ANXA6: variants seen among roughly 807,000 people sequenced by gnomAD.
The protein encoded by ANXA6 is annexin A6.
Under a neutral mutation model 95.4 loss-of-function variants are expected in ANXA6, and 71 were observed. The observed-to-expected ratio is 0.74, with a 90% CI of 0.61 to 0.91. ANXA6 has a LOEUF of 0.91. Ranked by LOEUF, ANXA6 falls within the 40% of genes least tolerant of loss-of-function variation. The pLI, the probability that ANXA6 is intolerant of heterozygous loss-of-function variation, is 0.00. For missense variants in ANXA6, 830 were observed against 876.4 expected, an observed-to-expected ratio of 0.95 and a Z score of 0.67; for synonymous variants, 289 against 315.9, an observed-to-expected ratio of 0.91 and a Z score of 0.90.
At chr5:151,136,804 A>G (rs974527802) in intron 6 of ANXA6, among the ~76,000 whole-genome samples, 2 of 152,152 alleles carry the variant, frequency 1.3e-5, no homozygotes, top group African/African-American at 4.8e-5. Flanking sequence ...TTTCTATTTC[A>G]GGGCCTTTGC....
chr5:151,109,151 C>T (rs987450066), intron 22 of ANXA6, among the ~76,000 whole-genome samples: 1 of 152,110 alleles, frequency 6.6e-6, no homozygotes, highest in Non-Finnish European at 1.5e-5. Flanking sequence ...CAAATCAAGG[C>T]CGTCCAGTGC....
At chr5:151,132,423 G>T in intron 10 of ANXA6, 53 bp downstream of exon 10, 1 of 1,350,270 alleles carries the variant, frequency 7.4e-7, no homozygotes, top group Non-Finnish European at 1.0e-6. Flanking sequence ...TTGTTCCTAG[G>T]CCAGTGTTCC....
chr5:151,118,584 C>T (rs1053587540), intron 18 of ANXA6, among the ~76,000 whole-genome samples: 1 of 152,154 alleles, frequency 6.6e-6, no homozygotes, highest in Non-Finnish European at 1.5e-5. Context: ...CAGGCGCATG[C>T]CACCACGCCT....
chr5:151,124,155 C>T (rs1265193031), intron 15 of ANXA6, 131 bp downstream of exon 15: 2 of 786,016 alleles, frequency 2.5e-6, no homozygotes, highest in Non-Finnish European at 4.2e-6. Flanking sequence ...AGGGTGGAAA[C>T]TTGAGATCAA....
At chr5:151,142,182 T>C (rs1454170874) in intron 2 of ANXA6, among the ~76,000 whole-genome samples, 2 of 152,184 alleles carry the variant, frequency 1.3e-5, no homozygotes, top group African/African-American at 2.4e-5. Flanking sequence ...CTAGGATGGA[T>C]GGAGAAACAA....
At chr5:151,124,792 A>C (rs368531870) in intron 14 of ANXA6, among the ~76,000 whole-genome samples, 6 of 152,246 alleles carry the variant, frequency 3.9e-5, no homozygotes, top group African/African-American at 1.2e-4. Flanking sequence ...AAGGCAGCAG[A>C]AAAGTTCTGA....
At position 151,132,770 on chromosome 5, in the gene ANXA6, CTG is replaced by C. The variant is rs1765553561; in HGVS notation, c.641-201_641-200del. 5.3e-5 allele frequency among the ~76,000 whole-genome samples: 8 copies of C among 152,174 alleles called. No individual in the cohort carries two copies. The South Asian group carries it at 1.7e-3, about 32-fold the overall frequency. ...GATGAGCTTCATAGCTGGTGAGAGACTGTGTCTCATCCCCTAACATGGAGACA... is the reference window on the plus strand; with the variant it reads ...GATGAGCTTCATAGCTGGTGAGAGACTGTCTCATCCCCTAACATGGAGACA... On this transcript the variant is annotated intron_variant, in intron 9 of 25. Coordinates refer to ENST00000354546, the MANE Select transcript of ANXA6 (RefSeq NM_001155.5).
chr5:151,120,321 G>C (rs1476928889), intron 17 of ANXA6, among the ~76,000 whole-genome samples: 3 of 150,860 alleles, frequency 2.0e-5, no homozygotes, highest in Non-Finnish European at 4.4e-5. Flanking sequence ...CTGATTGATT[G>C]ACTGAATGAG....
At chr5:151,107,457 C>T (rs993541639) in intron 23 of ANXA6, among the ~76,000 whole-genome samples, 1 of 152,172 alleles carries the variant, frequency 6.6e-6, no homozygotes. Context: ...CTAGATATTG[C>T]TCCTGGGTGG....
chr5:151,119,488 T>C, intron 17 of ANXA6, 98 bp from the exon 18 acceptor site: 1 of 1,037,516 alleles, frequency 9.6e-7, no homozygotes, highest in Non-Finnish European at 1.5e-6. Flanking sequence ...CAAGCATTCC[T>C]GGATTTTCTC....
chr5:151,123,765 T>C (rs1410038103), intron 15 of ANXA6, among the ~76,000 whole-genome samples: 1 of 152,202 alleles, frequency 6.6e-6, no homozygotes, highest in East Asian at 1.9e-4. Flanking sequence ...GGCTGGACTT[T>C]CTGAGCACAG....
intron 1 of ANXA6, among the ~76,000 whole-genome samples, chr5:151,156,493 G>A (rs1258482465): frequency 6.6e-6 from 1 of 152,210 alleles, no homozygotes; most frequent in Non-Finnish European, 1.5e-5. Context: ...ACGCAGGTCA[G>A]GATATGCCAT....
Position 151,133,105 on chromosome 5 carries a change from T to G in ANXA6, c.629A>C (p.His210Pro). ...TCTCTGGAGCTTACCCAACCGAAGATGCTGCTTGCTGCGATTTCCCAAGAT... is the reference window on the plus strand; with the variant it reads ...TCTCTGGAGCTTACCCAACCGAAGAGGCTGCTTGCTGCGATTTCCCAAGAT... ...IYILGNRSKQ[H>P]LRLVFDEYLK... The change falls in exon 9 of 26, where the codon CAT (histidine) becomes CCT (proline). Residue 210 changes from histidine to proline, a missense_variant. Coordinates refer to ENST00000354546, the MANE Select transcript of ANXA6 (RefSeq NM_001155.5). 1.3e-6 allele frequency: 2 copies of G among 1,595,328 alleles called. No individual in the cohort carries two copies. The highest frequency in any genetic ancestry group is 2.3e-5 in the South Asian group (2 of 87,474).
chr5:151,117,399 G>A lies in ANXA6; in HGVS notation c.1519-219C>T, dbSNP rs370908096. ...AATGCCTGACACACAGCAAGCTCTC[G>A]GTAACTGTCAATGAGGGTCTGCCAT... On this transcript the variant is annotated intron_variant, in intron 19 of 25. Coordinates refer to ENST00000354546, the MANE Select transcript of ANXA6 (RefSeq NM_001155.5). 3.3e-5 allele frequency among the ~76,000 whole-genome samples: 5 copies of A among 152,326 alleles called. No homozygotes were observed. The East Asian group carries it at 7.7e-4, about 23-fold the overall frequency.
intron 1 of ANXA6, chr5:151,155,433 A>T (rs1021966984): frequency 6.6e-6 from 1 of 151,836 alleles, no homozygotes; most frequent in Non-Finnish European, 1.5e-5. Context: ...CATCCAAGGA[A>T]CCTATAGACA....
Position 151,122,251 on chromosome 5 carries a change from T to A in ANXA6, c.1243A>T (p.Thr415Ser). The change falls in exon 17 of 26, where the codon ACT (threonine) becomes TCT (serine). Residue 415 changes from threonine to serine, a missense_variant. Thr to Ser is a moderately conservative substitution (Grantham distance 58, BLOSUM62 1). Coordinates refer to ENST00000354546, the MANE Select transcript of ANXA6 (RefSeq NM_001155.5). Reference protein sequence around the residue: ...FKSHFGRDLMTDLKSEISGDL... With the variant: ...FKSHFGRDLMSDLKSEISGDL... The stretch of plus-strand genomic sequence containing the variant: ...CCAGAGATCTCAGACTTCAGGTCAG[T>A]CATTAAGTCCTGCAAAGGGCAGAGC... 1 of 1,603,178 alleles carries A rather than the reference T, an allele frequency of 6.2e-7. No homozygotes were observed. The highest frequency in any genetic ancestry group is 1.1e-5 in the South Asian group (1 of 89,016).
rs1307926886 is a variant in ANXA6 at position 151,141,413 on chromosome 5, GTA to G, written c.19-1172_19-1171del. On this transcript the variant is annotated intron_variant, in intron 2 of 25. Coordinates refer to ENST00000354546, the MANE Select transcript of ANXA6 (RefSeq NM_001155.5). The stretch of plus-strand genomic sequence containing the variant: ...CACATCAATTACTATAAAGCTTGTA[GTA>G]AATACATTAAGACAAAAATAAGGTA... 9.8e-6 allele frequency: 7 copies of G among 714,134 alleles called. No individual in the cohort carries two copies. The East Asian group carries it at 9.3e-4, about 94-fold the overall frequency. The allele number at this position is 714,134 out of a possible 1,614,324, so 44.2% of individuals were successfully genotyped here.
chr5:151,105,041 C>T (rs1299955712), intron 24 of ANXA6, among the ~76,000 whole-genome samples: 1 of 152,200 alleles, frequency 6.6e-6, no homozygotes. Flanking sequence ...GCCAAATATC[C>T]TCCGGGGCGG....
intron 25 of ANXA6, among the ~76,000 whole-genome samples, chr5:151,102,572 T>G (rs1013803386): frequency 2.0e-5 from 3 of 152,066 alleles, no homozygotes; most frequent in Non-Finnish European, 4.4e-5. Context: ...GGCATAGTGA[T>G]GCATGCCTGC....
Sources: gnomAD v4.1 joint callset for allele counts (sites outside exome capture counted in the v4.1 genomes callset) on GRCh38, gnomAD v4.1.1 for gene constraint, MANE v1.5 for transcripts, NCBI Gene and HGNC (gene_info 2026-07-23, HGNC 2026-07-21) for gene names.